AFF1: variants seen among roughly 807,000 people sequenced by gnomAD.
AFF1 encodes the protein ALF transcription elongation factor 1, also known as AF4/FMR2 family member 1.
In AFF1, 48 loss-of-function variants were observed where a neutral mutation model predicts 121.7. That is an observed-to-expected ratio of 0.39 (90% confidence interval 0.31 to 0.50). The LOEUF (loss-of-function observed/expected upper bound fraction) is 0.50, where lower values mean the gene tolerates loss of function less well. AFF1 is among the 20% of genes least tolerant of loss of function. The pLI is 0.76. For synonymous variants in AFF1, 613 were observed against 563.0 expected (o/e 1.09, Z -1.26); for missense variants, 1,523 against 1,511.7 (o/e 1.01, Z -0.12).
chr4:86,987,777 A>AC (rs1371286744), intron 2 of AFF1, among the ~76,000 whole-genome samples: 1 of 152,006 alleles, frequency 6.6e-6, no homozygotes, highest in Non-Finnish European at 1.5e-5. Flanking sequence ...ACATAGTGAA[A>AC]CCCCATCTCT....
intron 8 of AFF1, among the ~76,000 whole-genome samples, chr4:87,104,888 A>G (rs977345755): frequency 6.6e-6 from 1 of 152,202 alleles, no homozygotes; most frequent in Non-Finnish European, 1.5e-5. Context: ...TCACTGAAAC[A>G]ATAGCAATAA....
chr4:87,126,714 GTTC>G (rs1039332579), intron 14 of AFF1, among the ~76,000 whole-genome samples: 7 of 152,132 alleles, frequency 4.6e-5, no homozygotes, highest in Non-Finnish European at 7.4e-5. Context: ...TCAAATAAAA[GTTC>G]TTCTCTTCCT....
chr4:87,062,139 G>T (rs1002699649), intron 4 of AFF1, among the ~76,000 whole-genome samples: 1 of 152,102 alleles, frequency 6.6e-6, no homozygotes, highest in Non-Finnish European at 1.5e-5. Context: ...AATTATCTTA[G>T]TCTAGTGATG....
In AFF1 at chr4:87,028,305, GT is replaced by G. The variant is rs965038837; in HGVS notation, c.39-17852del. ...ATTAAAGTTCAGTATTTTTTTTTAC[GT>G]TTTTTTTTCTTTTGGTATAAAATGC... is the stretch of plus-strand genomic sequence containing the variant. On this transcript the variant is annotated intron_variant, in intron 2 of 20. Coordinates refer to ENST00000395146, the MANE Select transcript of AFF1 (RefSeq NM_001166693.3). 1.4e-4 allele frequency among the ~76,000 whole-genome samples: 21 copies of G among 149,146 alleles called. No homozygotes were observed. The South Asian group carries it at 1.9e-3, about 14-fold the overall frequency.
At chr4:86,982,030 C>T (rs1489418415) in intron 2 of AFF1, among the ~76,000 whole-genome samples, 2 of 152,162 alleles carry the variant, frequency 1.3e-5, no homozygotes, top group African/African-American at 4.8e-5. Flanking sequence ...TGAGAAGTGA[C>T]AGCACTGAAG....
chr4:87,070,791 T>C (rs1219555342), intron 4 of AFF1, among the ~76,000 whole-genome samples: 3 of 152,262 alleles, frequency 2.0e-5, no homozygotes, highest in African/African-American at 7.2e-5. Flanking sequence ...AGTGTACTTC[T>C]AGCTTTATGG....
chr4:86,988,895 C>A (rs568377926), intron 2 of AFF1, among the ~76,000 whole-genome samples: 2 of 152,238 alleles, frequency 1.3e-5, no homozygotes, highest in African/African-American at 4.8e-5. Flanking sequence ...ACATCTCCAA[C>A]CATCTTATCT....
chr4:86,979,359 A>C (rs950837188), intron 2 of AFF1, among the ~76,000 whole-genome samples: 7 of 152,188 alleles, frequency 4.6e-5, no homozygotes, highest in African/African-American at 1.7e-4. Context: ...TCGGCCTCCC[A>C]AAGTGCTGGG....
rs1376481289 is a variant in AFF1 at position 87,127,022 on chromosome 4, G to C, written c.2812-4G>C. On this transcript the variant is annotated splice_polypyrimidine_tract_variant and splice_region_variant and intron_variant, in intron 14 of 20. Transcript: ENST00000395146. ...TAATCTGTATATTGATTTTTTTTTT[G>C]AAGGGTTCTTCCGGAGATACTGCAA... is the stretch of plus-strand genomic sequence containing the variant. 6.4e-7 allele frequency: 1 copy of C among 1,564,846 alleles called. No homozygotes were observed. The highest frequency in any genetic ancestry group is 8.7e-7 in the Non-Finnish European group (1 of 1,152,380).
intron 4 of AFF1, among the ~76,000 whole-genome samples, chr4:87,081,060 C>T (rs1447021038): frequency 6.6e-6 from 1 of 150,964 alleles, no homozygotes; most frequent in Admixed American, 6.6e-5. Flanking sequence ...AAATATAAAG[C>T]AAATGTAAAA....
At chr4:87,089,887 A>G (rs1314306071) in intron 5 of AFF1, 97 bp from the exon 6 acceptor site, 2 of 866,754 alleles carry the variant, frequency 2.3e-6, no homozygotes, top group Non-Finnish European at 3.7e-6. Context: ...CTTGCCATTT[A>G]TGATCAATCC....
At chr4:86,995,830 C>A (rs1578923310) in intron 2 of AFF1, among the ~76,000 whole-genome samples, 1 of 149,706 alleles carries the variant, frequency 6.7e-6, no homozygotes, top group African/African-American at 2.5e-5. Context: ...AAGTGAGGAG[C>A]GTCTCTGCCT....
rs760266283 is a variant in AFF1, at chr4:87,108,324, T to C, written c.1533+9T>C. On this transcript the variant is annotated intron_variant, in intron 11 of 20. Transcript: ENST00000395146. ...AAACCCCAGCTCCGGAGGTACCGTG[T>C]TCCCCCTCGAGATGGCCACCTTAGA... 6.2e-7 allele frequency: 1 copy of C among 1,611,500 alleles called. No individual in the cohort carries two copies. The highest frequency in any genetic ancestry group is 8.5e-7 in the Non-Finnish European group (1 of 1,179,562).
At chr4:86,951,351 G>A (rs1334241835) in intron 2 of AFF1, among the ~76,000 whole-genome samples, 2 of 137,936 alleles carry the variant, frequency 1.4e-5, no homozygotes, top group African/African-American at 2.8e-5. Context: ...TGCTTTGTCC[G>A]TTTGCCCCAG....
chr4:86,949,298 A>G (rs1721095737), intron 2 of AFF1, among the ~76,000 whole-genome samples: 2 of 149,870 alleles, frequency 1.3e-5, no homozygotes, highest in Non-Finnish European at 3.0e-5. Flanking sequence ...CAGCCTCCCA[A>G]GTATCTGGGA....
rs536633568 is a variant in AFF1 at position 87,036,856 on chromosome 4, G to A, written c.39-9310G>A. 49 of 462,408 alleles carry A rather than the reference G, an allele frequency of 1.1e-4. 1 individual carries two copies. Among genetic ancestry groups the A allele is most frequent in the South Asian group, 6.9e-4 (45 of 65,286 alleles). The allele number at this position is 462,408 out of a possible 1,614,324, so 28.6% of individuals were successfully genotyped here. A position where few individuals can be genotyped will look rare whatever the true frequency, so the allele number is the denominator to read the frequency against. Reference sequence around the variant, plus strand: ...CCCCCATCCCCCCTTTTTTTGAGACGGCTTCTTGCTCCATCGCTGAGGCTG... The same window carrying A: ...CCCCCATCCCCCCTTTTTTTGAGACAGCTTCTTGCTCCATCGCTGAGGCTG... On this transcript the variant is annotated intron_variant, in intron 2 of 20. Coordinates refer to ENST00000395146, the MANE Select transcript of AFF1 (RefSeq NM_001166693.3).
chr4:87,074,519 A>G (rs1336801498), intron 4 of AFF1, among the ~76,000 whole-genome samples: 1 of 152,240 alleles, frequency 6.6e-6, no homozygotes, highest in African/African-American at 2.4e-5. Flanking sequence ...AACTGAGATT[A>G]GACATTTACT....
Position 87,134,485 on chromosome 4 carries a change from C to CA in AFF1, c.3327dup (p.Ser1110IlefsTer56), listed in dbSNP as rs767588725. 6.2e-7 allele frequency: 1 copy of CA among 1,602,836 alleles called. No individual in the cohort carries two copies. Among genetic ancestry groups the CA allele is most frequent in the Non-Finnish European group, 8.5e-7 (1 of 1,174,738 alleles). ...CCACCTCCCAGAAGCACAGGCACAC[C>CA]ATCCCCTCTTTCCCCAATGCCTTCT... On this transcript the variant is annotated frameshift_variant, in exon 20 of 21. Transcript: ENST00000395146. LOFTEE classifies it high-confidence loss of function.
At chr4:86,938,706 A>G (rs1720230911) in intron 1 of AFF1, among the ~76,000 whole-genome samples, 1 of 152,244 alleles carries the variant, frequency 6.6e-6, no homozygotes, top group African/African-American at 2.4e-5. Context: ...CAGCATGGAA[A>G]TAAATGTGAA....
Sources: gnomAD v4.1 joint callset for allele counts (sites outside exome capture counted in the v4.1 genomes callset) on GRCh38, gnomAD v4.1.1 for gene constraint, MANE v1.5 for transcripts, NCBI Gene and HGNC (gene_info 2026-07-23, HGNC 2026-07-21) for gene names.